MAPK10: variants seen among roughly 807,000 people sequenced by gnomAD.
MAPK10 encodes JNK3 alpha protein kinase.
A neutral mutation model predicts 59.3 loss-of-function variants in MAPK10; 25 were observed. The ratio of observed to expected loss-of-function variants is 0.42; its 90% CI spans 0.31 to 0.59. The LOEUF is 0.59. Ranked by LOEUF, MAPK10 falls within the 20% of genes least tolerant of loss-of-function variation. MAPK10 has a pLI of 0.15. For synonymous variants in MAPK10, 190 were observed against 200.5 expected (o/e 0.95, Z 0.44); for missense variants, 351 against 568.9 (o/e 0.62, Z 3.90).
intron 9 of MAPK10, among the ~76,000 whole-genome samples, chr4:86,071,449 G>A (rs1425778552): frequency 2.2e-5 from 3 of 139,248 alleles, no homozygotes; most frequent in Non-Finnish European, 3.1e-5. Flanking sequence ...TTGGTGTTTT[G>A]GACATGAAGT....
intron 1 of MAPK10, chr4:86,370,793 G>A (rs1442397770): frequency 2.0e-5 from 3 of 152,170 alleles, no homozygotes; most frequent in Non-Finnish European, 4.4e-5. Context: ...ATCAGATGTT[G>A]GGCAGATAGT....
chr4:86,380,494 A>C (rs1275689831), intron 1 of MAPK10, among the ~76,000 whole-genome samples: 1 of 152,190 alleles, frequency 6.6e-6, no homozygotes, highest in African/African-American at 2.4e-5. Context: ...ACTGACAAAC[A>C]AGCTTTTCTG....
intron 1 of MAPK10, among the ~76,000 whole-genome samples, chr4:86,382,300 G>T (rs746018536): frequency 2.0e-5 from 3 of 151,978 alleles, no homozygotes; most frequent in Non-Finnish European, 4.4e-5. Context: ...CACTGACCTG[G>T]CACTGACCCC....
chr4:86,566,907 A>T (rs1311749431), intron 1 of MAPK10, among the ~76,000 whole-genome samples: 1 of 152,086 alleles, frequency 6.6e-6, no homozygotes, highest in Non-Finnish European at 1.5e-5. Flanking sequence ...CGTCTCTACT[A>T]GAAATACAAA....
intron 1 of MAPK10, among the ~76,000 whole-genome samples, chr4:86,417,026 A>G (rs1477535936): frequency 6.6e-6 from 1 of 152,196 alleles, no homozygotes; most frequent in South Asian, 2.1e-4. Flanking sequence ...CACCTGCATT[A>G]TCTGCTTTTG....
chr4:86,294,533 G>GAA (rs776807363), intron 2 of MAPK10, among the ~76,000 whole-genome samples: 30 of 130,876 alleles, frequency 2.3e-4, no homozygotes, highest in Non-Finnish European at 3.8e-4. Context: ...CTGTGAAAAA[G>GAA]AAAAAAAAAA....
chr4:86,455,489 G>T (rs1751150955), upstream of MAPK10, among the ~76,000 whole-genome samples: 1 of 152,154 alleles, frequency 6.6e-6, no homozygotes, highest in South Asian at 2.1e-4. Context: ...GACACCAAAA[G>T]TGAGCAGGGG....
At chr4:86,543,841 G>A (rs1565013622) in intron 1 of MAPK10, among the ~76,000 whole-genome samples, 1 of 152,186 alleles carries the variant, frequency 6.6e-6, no homozygotes, top group Non-Finnish European at 1.5e-5. Context: ...GAAGGGAAAG[G>A]AGAACAGAAA....
At chr4:86,075,183 C>T (rs2049013255) in intron 9 of MAPK10, among the ~76,000 whole-genome samples, 2 of 152,192 alleles carry the variant, frequency 1.3e-5, no homozygotes, top group Admixed American at 6.5e-5. Context: ...CAGTTGATCG[C>T]ATCGGCTCCT....
chr4:86,422,085 CCTGT>C (rs1165982187), intron 1 of MAPK10, among the ~76,000 whole-genome samples: 1 of 152,142 alleles, frequency 6.6e-6, no homozygotes, highest in Non-Finnish European at 1.5e-5. Flanking sequence ...TATGGCATTA[CCTGT>C]CTATTTCCCT....
chr4:86,284,283 G>A (rs2094922897), intron 2 of MAPK10, among the ~76,000 whole-genome samples: 1 of 152,198 alleles, frequency 6.6e-6, no homozygotes, highest in Admixed American at 6.5e-5. Context: ...GGTAGAGGAA[G>A]AACTTGCATT....
chr4:86,510,455 A>T (rs1360801208), intron 1 of MAPK10, among the ~76,000 whole-genome samples: 2 of 151,932 alleles, frequency 1.3e-5, no homozygotes, highest in Middle Eastern at 3.2e-3. Context: ...AAAAACAGAA[A>T]TTTTTTCAAA....
intron 1 of MAPK10, among the ~76,000 whole-genome samples, chr4:86,473,937 G>T (rs1366314849): frequency 2.6e-5 from 4 of 152,050 alleles, no homozygotes; most frequent in Non-Finnish European, 4.4e-5. Flanking sequence ...ATAGCTTAAG[G>T]CCAGGAGTTC....
chr4:86,463,887 A>G lies in MAPK10; in HGVS notation c.-262-109243T>C, dbSNP rs182518853. 2.5e-3 allele frequency among the ~76,000 whole-genome samples: 381 copies of G among 152,156 alleles called. 2 individuals carry two copies. Among genetic ancestry groups the G allele is most frequent in the African/African-American group, 8.9e-3 (370 of 41,530 alleles). On this transcript the variant is annotated intron_variant, in intron 1 of 4. Coordinates refer to the MAPK10 transcript ENST00000502302. ...AATAAATTGAATAGATCCAGAGAAGACTCTAGATTTGCTAATTTTTCCAAC... is the reference window on the plus strand; with the variant it reads ...AATAAATTGAATAGATCCAGAGAAGGCTCTAGATTTGCTAATTTTTCCAAC...
At chr4:86,265,832 T>C (rs1464955558) in intron 2 of MAPK10, among the ~76,000 whole-genome samples, 2 of 152,180 alleles carry the variant, frequency 1.3e-5, no homozygotes, top group African/African-American at 2.4e-5. Flanking sequence ...AGCAGTGCTA[T>C]TTCAATGTCA....
chr4:86,249,989 G>A (rs1172515625), intron 2 of MAPK10, among the ~76,000 whole-genome samples: 1 of 152,114 alleles, frequency 6.6e-6, no homozygotes, highest in East Asian at 1.9e-4. Flanking sequence ...GTCTAAAAAG[G>A]GGGGAAATCA....
intron 2 of MAPK10, among the ~76,000 whole-genome samples, chr4:86,195,601 T>G (rs2149318878): frequency 6.6e-6 from 1 of 152,316 alleles, no homozygotes; most frequent in Non-Finnish European, 1.5e-5. Context: ...CTTTAAGTAC[T>G]GGGATACATG....
chr4:86,432,211 G>A (rs1748133669), intron 1 of MAPK10, among the ~76,000 whole-genome samples: 1 of 152,068 alleles, frequency 6.6e-6, no homozygotes, highest in Non-Finnish European at 1.5e-5. Context: ...GGGTCCCCTG[G>A]GCCAAGAAGA....
At chr4:86,587,845 G>A (rs1259240808) in intron 1 of MAPK10, among the ~76,000 whole-genome samples, 2 of 152,148 alleles carry the variant, frequency 1.3e-5, no homozygotes, top group African/African-American at 2.4e-5. Flanking sequence ...ACCCCTTTGT[G>A]AATTTGTCAA....
Sources: gnomAD v4.1 joint callset for allele counts (sites outside exome capture counted in the v4.1 genomes callset) on GRCh38, gnomAD v4.1.1 for gene constraint, MANE v1.5 for transcripts, NCBI Gene and HGNC (gene_info 2026-07-23, HGNC 2026-07-21) for gene names.